TRPS1: variants seen among roughly 807,000 people sequenced by gnomAD.
TRPS1 encodes the protein transcriptional repressor GATA binding 1.
In TRPS1, 6 loss-of-function variants were observed where a neutral mutation model predicts 101.2. The observed-to-expected ratio is 0.06, with a 90% confidence interval of 0.03 to 0.12. The LOEUF is 0.12. Among genes scored for constraint, TRPS1 ranks in the 10% least tolerant of loss-of-function variants. TRPS1 has a pLI of 1.00. For synonymous variants in TRPS1, 578 were observed against 589.8 expected (o/e 0.98, Z 0.29); for missense variants, 1,363 against 1,567.0 (o/e 0.87, Z 2.20).
chr8:115,497,169 G>A (rs1265613675), intron 5 of TRPS1, among the ~76,000 whole-genome samples: 4 of 152,140 alleles, frequency 2.6e-5, no homozygotes, highest in Non-Finnish European at 4.4e-5. Context: ...TTGGCACCAG[G>A]GACAGGTTTT....
In TRPS1 at chr8:115,566,926, CAA is replaced by C. The variant is rs1399764067; in HGVS notation, c.2700+20073_2700+20074del. On this transcript the variant is annotated intron_variant, in intron 5 of 6. Coordinates refer to ENST00000395715, the MANE Select transcript of TRPS1 (RefSeq NM_014112.5). ...AGAAACTAAGGCAATAATACTGCTT[CAA>C]AACCTGATAGGATAAATGTAATAAT... Among the ~76,000 whole-genome samples, 9 of 152,216 alleles carry C rather than the reference CAA, an allele frequency of 5.9e-5. No homozygotes were observed. The East Asian group carries it at 1.7e-3, about 29-fold the overall frequency.
At chr8:115,453,944 A>C (rs1813949337) in intron 5 of TRPS1, among the ~76,000 whole-genome samples, 1 of 152,204 alleles carries the variant, frequency 6.6e-6, no homozygotes, top group Admixed American at 6.5e-5. Context: ...AACTTCAGTG[A>C]AGCTGAAATA....
chr8:115,444,822 C>T (rs1389464909), intron 5 of TRPS1, among the ~76,000 whole-genome samples: 1 of 152,170 alleles, frequency 6.6e-6, no homozygotes, highest in Non-Finnish European at 1.5e-5. Flanking sequence ...TCCACCATAT[C>T]CAATTAGTCA....
chr8:115,558,644 C>T (rs1269462121), intron 5 of TRPS1, among the ~76,000 whole-genome samples: 1 of 152,172 alleles, frequency 6.6e-6, no homozygotes, highest in Non-Finnish European at 1.5e-5. Context: ...TACTTAATCA[C>T]TGCTTTTTTT....
At chr8:115,460,674 C>T (rs1427139870) in intron 5 of TRPS1, among the ~76,000 whole-genome samples, 1 of 151,792 alleles carries the variant, frequency 6.6e-6, no homozygotes, top group Non-Finnish European at 1.5e-5. Flanking sequence ...TAGAGTGAAG[C>T]CTTATAACCA....
chr8:115,634,395 A>G (rs952657077), intron 1 of TRPS1, among the ~76,000 whole-genome samples: 4 of 152,196 alleles, frequency 2.6e-5, no homozygotes, highest in African/African-American at 9.6e-5. Context: ...CTACACATGG[A>G]AAGAAAAGGA....
intron 5 of TRPS1, among the ~76,000 whole-genome samples, chr8:115,508,533 TA>T (rs1815502075): frequency 6.6e-6 from 1 of 152,068 alleles, no homozygotes; most frequent in African/African-American, 2.4e-5. Context: ...ATGGTGAGCT[TA>T]TATTTTATAT....
At chr8:115,594,217 T>C (rs887480526) in intron 4 of TRPS1, among the ~76,000 whole-genome samples, 9 of 152,066 alleles carry the variant, frequency 5.9e-5, no homozygotes, top group Admixed American at 1.3e-4. Flanking sequence ...CAAACTAATT[T>C]CAAATTTTTT....
chr8:115,508,553 T>A (rs1419678596), intron 5 of TRPS1, among the ~76,000 whole-genome samples: 1 of 152,036 alleles, frequency 6.6e-6, no homozygotes, highest in African/African-American at 2.4e-5. Context: ...ATCAGTTTGC[T>A]TTCCTCGATC....
intron 5 of TRPS1, 163 bp downstream of exon 5, chr8:115,586,838 T>G: frequency 3.2e-4 from 362 of 1,140,290 alleles, no homozygotes; most frequent in Non-Finnish European, 4.1e-4. Context: ...CAAACACACA[T>G]GAGTTACTTG....
At chr8:115,610,001 T>A (rs1818126970) in intron 3 of TRPS1, among the ~76,000 whole-genome samples, 1 of 152,172 alleles carries the variant, frequency 6.6e-6, no homozygotes, top group African/African-American at 2.4e-5. Flanking sequence ...TAAAATAATA[T>A]GTCAAAGGAA....
In TRPS1 at chr8:115,583,419, C is replaced by T. The variant is rs543025322; in HGVS notation, c.2700+3582G>A. ...GTACAGGTAATTTTAAACATGTTAACCTCTTCACAGACCTAAACTTTAAAT... is the reference window on the plus strand; with the variant it reads ...GTACAGGTAATTTTAAACATGTTAATCTCTTCACAGACCTAAACTTTAAAT... On this transcript the variant is annotated intron_variant, in intron 5 of 6. Coordinates refer to ENST00000395715, the MANE Select transcript of TRPS1 (RefSeq NM_014112.5). Among the ~76,000 whole-genome samples the T allele has an allele frequency of 1.2e-4, 19 of 152,118 alleles. No homozygotes were observed. The South Asian group carries it at 3.9e-3, about 32-fold the overall frequency.
chr8:115,570,203 T>C (rs752512131), intron 5 of TRPS1, among the ~76,000 whole-genome samples: 1 of 152,106 alleles, frequency 6.6e-6, no homozygotes, highest in Non-Finnish European at 1.5e-5. Flanking sequence ...TAATTGATTT[T>C]TTCCAGAGTA....
intron 5 of TRPS1, among the ~76,000 whole-genome samples, chr8:115,514,605 T>G (rs1370256198): frequency 6.6e-6 from 1 of 151,664 alleles, no homozygotes; most frequent in Non-Finnish European, 1.5e-5. Flanking sequence ...TTTCCTTGAA[T>G]TATTAATAGA....
chr8:115,584,920 C>T lies in TRPS1; in HGVS notation c.2700+2081G>A, dbSNP rs146252356. Reference sequence around the variant, plus strand: ...ATTGGTGATTTCCAAAAGCACTATTCAAATATAAAATGTGAATCTTAAAAG... The same window carrying T: ...ATTGGTGATTTCCAAAAGCACTATTTAAATATAAAATGTGAATCTTAAAAG... On this transcript the variant is annotated intron_variant, in intron 5 of 6. Coordinates refer to ENST00000395715, the MANE Select transcript of TRPS1 (RefSeq NM_014112.5). Among the ~76,000 whole-genome samples, 751 of 152,200 alleles carry T rather than the reference C, an allele frequency of 4.9e-3. 2 individuals carry two copies. The highest frequency in any genetic ancestry group is 8.2e-3 in the Non-Finnish European group (554 of 67,954).
chr8:115,649,586 C>T (rs1235428087), intron 1 of TRPS1, among the ~76,000 whole-genome samples: 1 of 152,202 alleles, frequency 6.6e-6, no homozygotes, highest in African/African-American at 2.4e-5. Flanking sequence ...CAATGGAAGA[C>T]GAACCTCTTG....
At chr8:115,547,343 C>T (rs754792128) in intron 5 of TRPS1, among the ~76,000 whole-genome samples, 1 of 152,052 alleles carries the variant, frequency 6.6e-6, no homozygotes, top group South Asian at 2.1e-4. Context: ...ATAGCCCTCT[C>T]TCCCTCTGCC....
intron 1 of TRPS1, among the ~76,000 whole-genome samples, chr8:115,655,081 G>C (rs1168400648): frequency 1.3e-5 from 2 of 152,108 alleles, no homozygotes; most frequent in Non-Finnish European, 2.9e-5. Flanking sequence ...ACCAAGTAGG[G>C]GGAAGTCACT....
At chr8:115,599,946 C>A (rs1298016369) in intron 4 of TRPS1, among the ~76,000 whole-genome samples, 1 of 152,140 alleles carries the variant, frequency 6.6e-6, no homozygotes, top group East Asian at 1.9e-4. Flanking sequence ...AACTAATTTA[C>A]ACTCCCACCA....
Sources: gnomAD v4.1 joint callset for allele counts (sites outside exome capture counted in the v4.1 genomes callset) on GRCh38, gnomAD v4.1.1 for gene constraint, MANE v1.5 for transcripts, NCBI Gene and HGNC (gene_info 2026-07-23, HGNC 2026-07-21) for gene names.